Variants in PRKAR2B observed in about 807,000 individuals in gnomAD.
PRKAR2B encodes the protein cAMP-dependent protein kinase type II-beta regulatory subunit.
Under a neutral mutation model 49.9 loss-of-function variants are expected in PRKAR2B, and 14 were observed. That is an observed-to-expected ratio of 0.28 (90% CI 0.19 to 0.44). PRKAR2B has a LOEUF of 0.44. Ranked by LOEUF, PRKAR2B falls within the 20% of genes least tolerant of loss-of-function variation. The pLI is 1.00. For missense variants in PRKAR2B, 393 were observed against 537.9 expected, an observed-to-expected ratio of 0.73 and a Z score of 2.67; for synonymous variants, 196 against 197.7, an observed-to-expected ratio of 0.99 and a Z score of 0.07.
chr7:107,112,983 A>G (rs1324765328), intron 2 of PRKAR2B, among the ~76,000 whole-genome samples: 1 of 152,192 alleles, frequency 6.6e-6, no homozygotes, highest in Non-Finnish European at 1.5e-5. Flanking sequence ...TTTTCTTATA[A>G]TTATGGCTAT....
chr7:107,120,539 T>C (rs1795368677), intron 2 of PRKAR2B, among the ~76,000 whole-genome samples: 1 of 152,166 alleles, frequency 6.6e-6, no homozygotes, highest in South Asian at 2.1e-4. Context: ...TTATTCTTTG[T>C]CCTTAAATTT....
Position 107,126,420 on chromosome 7 carries a change from C to CAAAAAAAAAA in PRKAR2B, c.397-1778_397-1769dup, listed in dbSNP as rs35682952. Among the ~76,000 whole-genome samples the CAAAAAAAAAA allele has an allele frequency of 5.2e-4, 20 of 38,398 alleles. 1 individual carries two copies. The highest frequency in any genetic ancestry group is 2.1e-3 in the African/African-American group (20 of 9,544). The allele number at this position is 38,398 out of a possible 152,430, so 25.2% of individuals were successfully genotyped here. A position where few individuals can be genotyped will look rare whatever the true frequency, so the allele number is the denominator to read the frequency against. On this transcript the variant is annotated intron_variant, in intron 3 of 10. Coordinates refer to ENST00000265717, the MANE Select transcript of PRKAR2B (RefSeq NM_002736.3). ...TGGGCAACAGAGTGAGAATCTGTCT[C>CAAAAAAAAAA]AAAAAAAAAAAAAAAAAAAAAAAGT... is the stretch of plus-strand genomic sequence containing the variant.
Position 107,159,556 on chromosome 7 carries a change from A to G in PRKAR2B, c.1231A>G (p.Met411Val), listed in dbSNP as rs763679888. Residue 411 changes from methionine (M) to valine (V), a missense_variant, in exon 11 of 11, where the codon ATG becomes GTG. Coordinates refer to ENST00000265717, the MANE Select transcript of PRKAR2B (RefSeq NM_002736.3). ...EQLVALFGTNMDIVEPTA is the reference protein window; with the variant it reads ...EQLVALFGTNVDIVEPTA ...GTTAGTTGCCCTGTTTGGAACGAAC[A>G]TGGATATTGTTGAACCCACTGCATG... 2.5e-5 allele frequency: 40 copies of G among 1,614,130 alleles called. No individual in the cohort carries two copies. Among genetic ancestry groups the G allele is most frequent in the South Asian group, 8.8e-5 (8 of 91,082 alleles).
chr7:107,156,902 A>G lies in PRKAR2B; in HGVS notation c.919-82A>G, dbSNP rs1796102368. On this transcript the variant is annotated intron_variant, in intron 8 of 10. Coordinates refer to ENST00000265717, the MANE Select transcript of PRKAR2B (RefSeq NM_002736.3). Reference sequence around the variant, plus strand: ...ATATGTGTACTTTGGGGTTGGATCAATTTTAGGGATATGAAAGGTAACAAG... The same window carrying G: ...ATATGTGTACTTTGGGGTTGGATCAGTTTTAGGGATATGAAAGGTAACAAG... 9 of 1,220,352 alleles carry G rather than the reference A, an allele frequency of 7.4e-6. No individual in the cohort carries two copies. The South Asian group carries it at 1.0e-4, about 14-fold the overall frequency. The allele number at this position is 1,220,352 out of a possible 1,614,324, so 75.6% of individuals were successfully genotyped here.
intron 1 of PRKAR2B, among the ~76,000 whole-genome samples, chr7:107,062,492 G>A (rs1286466016): frequency 6.6e-6 from 1 of 152,152 alleles, no homozygotes; most frequent in Non-Finnish European, 1.5e-5. Flanking sequence ...TTTGCATGAA[G>A]TTCAAAGACA....
At position 107,153,218 on chromosome 7, in the gene PRKAR2B, A is replaced by C. The variant is rs1289685923; in HGVS notation, c.885A>C (p.Lys295Asn). Residue 295 changes from lysine (K) to asparagine (N), a missense_variant, in exon 8 of 11, where the codon AAA becomes AAC. Coordinates refer to ENST00000265717, the MANE Select transcript of PRKAR2B (RefSeq NM_002736.3). The stretch of plus-strand genomic sequence containing the variant: ...AAGTAGTAGATGTGATAGGCACCAA[A>C]GTATACAACGATGGAGAACAAATCA... ...RLKVVDVIGTKVYNDGEQIIA... is the reference protein window; with the variant it reads ...RLKVVDVIGTNVYNDGEQIIA... 3.7e-6 allele frequency: 6 copies of C among 1,609,474 alleles called. No individual in the cohort carries two copies. The African/African-American group carries it at 8.0e-5, about 22-fold the overall frequency.
At chr7:107,159,417 G>A (rs1378389468) in intron 10 of PRKAR2B, 32 bp from the exon 11 acceptor site, 3 of 1,609,926 alleles carry the variant, frequency 1.9e-6, no homozygotes, top group East Asian at 2.2e-5. Context: ...TGCAAAGAAT[G>A]TTATTTAAAA....
At chr7:107,087,330 CAT>C (rs1195483734) in intron 2 of PRKAR2B, among the ~76,000 whole-genome samples, 1 of 151,840 alleles carries the variant, frequency 6.6e-6, no homozygotes, top group Non-Finnish European at 1.5e-5. Context: ...TGCTGCATAA[CAT>C]AAAGATATTT....
rs372357440 is a variant in PRKAR2B, at chr7:107,156,401, G to A, written c.919-583G>A. Among the ~76,000 whole-genome samples, 29 of 152,230 alleles carry A rather than the reference G, an allele frequency of 1.9e-4. No homozygotes were observed. The East Asian group carries it at 4.4e-3, about 23-fold the overall frequency. The stretch of plus-strand genomic sequence containing the variant: ...TGCAGTGAGCTGAGATTGCACCACT[G>A]CACTCCAGCCTGGGTGACAGAGCGA... On this transcript the variant is annotated intron_variant, in intron 8 of 10. Transcript: ENST00000265717.
chr7:107,080,277 G>GA (rs1794491069), intron 2 of PRKAR2B, among the ~76,000 whole-genome samples: 1 of 152,160 alleles, frequency 6.6e-6, no homozygotes, highest in Non-Finnish European at 1.5e-5. Flanking sequence ...AAGTGGTACC[G>GA]TCTAAGAGAA....
intron 7 of PRKAR2B, 98 bp downstream of exon 7, chr7:107,151,121 A>C (rs1463398113): frequency 3.3e-6 from 2 of 613,470 alleles, no homozygotes; most frequent in Non-Finnish European, 5.2e-6. Flanking sequence ...GAATAAAAAA[A>C]AATCTATCCA....
intron 1 of PRKAR2B, among the ~76,000 whole-genome samples, chr7:107,067,932 G>A (rs1166922492): frequency 6.6e-6 from 1 of 152,176 alleles, no homozygotes; most frequent in African/African-American, 2.4e-5. Context: ...GTTATAAATG[G>A]ACTTTTTTTT....
In PRKAR2B at chr7:107,065,656, G is replaced by T. The variant is rs545612240; in HGVS notation, c.308-4625G>T. 1.1e-4 allele frequency among the ~76,000 whole-genome samples: 16 copies of T among 152,254 alleles called. No homozygotes were observed. In the South Asian group the frequency reaches 2.1e-3, roughly 20 times the overall value. On this transcript the variant is annotated intron_variant, in intron 1 of 10. Coordinates refer to ENST00000265717, the MANE Select transcript of PRKAR2B (RefSeq NM_002736.3). ...GGGCAGGGACTCTCTTACAATTCCA[G>T]TGCCCAGCATCCACACTCAATACAG...
In PRKAR2B at chr7:107,157,212, T is replaced by A; in HGVS notation, c.1011T>A (p.Gly337=). 6.2e-7 allele frequency: 1 copy of A among 1,614,142 alleles called. No homozygotes were observed. The change falls in exon 10 of 11, where the codon GGT becomes GGA. Residue 337 remains glycine (G), a synonymous_variant. Transcript: ENST00000265717. The part of the protein sequence containing the change: ...RKGKSEVEEN[G]AVEIARCSRG... ...GTAAATCAGAAGTGGAAGAGAATGG[T>A]GCAGTAGAAATCGCTCGATGCTCGC...
chr7:107,128,133 T>A, intron 3 of PRKAR2B, 79 bp from the exon 4 acceptor site: 1 of 922,694 alleles, frequency 1.1e-6, no homozygotes, highest in Non-Finnish European at 1.7e-6. Context: ...TGGTTCTGAT[T>A]TTTGTTAGTT....
At chr7:107,155,096 G>C (rs964431031) in intron 8 of PRKAR2B, among the ~76,000 whole-genome samples, 2 of 152,196 alleles carry the variant, frequency 1.3e-5, no homozygotes, top group Admixed American at 6.5e-5. Context: ...CACAGGATCC[G>C]CAGACATGTT....
intron 2 of PRKAR2B, among the ~76,000 whole-genome samples, chr7:107,120,516 G>A (rs1295518889): frequency 1.3e-5 from 2 of 152,124 alleles, no homozygotes; most frequent in Middle Eastern, 3.2e-3. Context: ...GAAGACATTC[G>A]TCAGCCTTTC....
At chr7:107,094,604 C>T (rs181946663) in intron 2 of PRKAR2B, among the ~76,000 whole-genome samples, 3 of 152,032 alleles carry the variant, frequency 2.0e-5, no homozygotes, top group African/African-American at 7.2e-5. Context: ...CTGAATGGTA[C>T]TGGCTAGGTT....
At chr7:107,085,989 A>T (rs542868610) in intron 2 of PRKAR2B, among the ~76,000 whole-genome samples, 1 of 152,344 alleles carries the variant, frequency 6.6e-6, no homozygotes, top group African/African-American at 2.4e-5. Flanking sequence ...CCTCTAAAAC[A>T]GTATGCTGAT....
Sources: gnomAD v4.1 joint callset for allele counts (sites outside exome capture counted in the v4.1 genomes callset) on GRCh38, gnomAD v4.1.1 for gene constraint, MANE v1.5 for transcripts, NCBI Gene and HGNC (gene_info 2026-07-23, HGNC 2026-07-21) for gene names.